The following FSAF1 variants were observed in gnomAD, a reference collection of about 807,000 sequenced individuals.
FSAF1 encodes the protein 40S small subunit processome assembly factor 1.
the FSAF1 span, among the ~76,000 whole-genome samples, chr1:231,239,840 A>AGG: frequency 7.9e-5 from 12 of 152,312 alleles, no homozygotes; most frequent in East Asian, 5.8e-4. Context: ...GAGCCAACTA[A>AGG]ACTTTGGCAT....
chr1:231,237,006 T>C, the FSAF1 span: 1 of 152,108 alleles, frequency 6.6e-6, no homozygotes, highest in South Asian at 2.1e-4. Flanking sequence ...CTTTTTTTTT[T>C]TTTTTGGAGA....
chr1:231,240,071 C>A, the FSAF1 span, among the ~76,000 whole-genome samples: 95 of 152,306 alleles, frequency 6.2e-4, no homozygotes, highest in African/African-American at 2.2e-3. This position sits in a 1 kb window ranked among gnomAD's most constrained non-coding sequence, Gnocchi z 4.1. Flanking sequence ...AGAATCAGAA[C>A]CCAGGCTCTG....
At chr1:231,227,182 G>C in the FSAF1 span, 5 of 1,066,456 alleles carry the variant, frequency 4.7e-6, no homozygotes, top group African/African-American at 1.6e-5. Flanking sequence ...ACAGCGTACA[G>C]GAATAATAAC....
chr1:231,239,155 ATCT>A, the FSAF1 span: 3 of 1,593,240 alleles, frequency 1.9e-6, no homozygotes, highest in South Asian at 1.1e-5. Context: ...TTTCTTTATG[ATCT>A]TCTTCTGTTC....
chr1:231,224,523 T>C, the FSAF1 span: 2 of 1,108,880 alleles, frequency 1.8e-6, no homozygotes, highest in Non-Finnish European at 2.5e-6. Context: ...CCTGGTCGCC[T>C]GCCATGCACA....
the FSAF1 span, among the ~76,000 whole-genome samples, chr1:231,239,353 A>C: frequency 6.6e-6 from 1 of 152,264 alleles, no homozygotes; most frequent in East Asian, 1.9e-4. Context: ...TATTTGCAAA[A>C]TGCAGAGAAT....
the FSAF1 span, among the ~76,000 whole-genome samples, chr1:231,236,284 T>C: frequency 2.0e-5 from 3 of 152,304 alleles, no homozygotes; most frequent in South Asian, 6.2e-4. Flanking sequence ...GTCAACATTC[T>C]GAGGTCATTT....
At chr1:231,225,313 G>C in the FSAF1 span, 2 of 654,528 alleles carry the variant, frequency 3.1e-6, no homozygotes, top group South Asian at 2.1e-5. Flanking sequence ...GTTTGATCTT[G>C]GGCAGTTTAC....
At chr1:231,226,912 T>C in the FSAF1 span, 1 of 1,606,092 alleles carries the variant, frequency 6.2e-7, no homozygotes, top group Admixed American at 1.7e-5. Flanking sequence ...GCTCTTAGCT[T>C]TCCTTGCTCT....
chr1:231,236,029 G>A, the FSAF1 span, among the ~76,000 whole-genome samples: 3 of 152,106 alleles, frequency 2.0e-5, no homozygotes, highest in African/African-American at 7.2e-5. Flanking sequence ...TGCTATGATT[G>A]GTCATGGAGA....
chr1:231,224,171 C>G, the FSAF1 span: 1 of 1,249,616 alleles, frequency 8.0e-7, no homozygotes, highest in South Asian at 1.8e-5. Context: ...AATGAAAAAG[C>G]AGTCTGTGAA....
At chr1:231,226,620 G>T in the FSAF1 span, 1 of 895,192 alleles carries the variant, frequency 1.1e-6, no homozygotes, top group Non-Finnish European at 1.8e-6. Flanking sequence ...GGGGAGCATG[G>T]GATCCTTTAA....
the FSAF1 span, chr1:231,224,295 G>T: frequency 6.2e-7 from 1 of 1,610,842 alleles, no homozygotes; most frequent in Non-Finnish European, 8.5e-7. Context: ...GGCCACTCTG[G>T]AAGAATTTAT....
the FSAF1 span, chr1:231,237,684 C>G: frequency 2.0e-5 from 3 of 152,236 alleles, no homozygotes; most frequent in Non-Finnish European, 4.4e-5. Context: ...GACTTCTGGA[C>G]TACGGAACTG....
chr1:231,239,044 G>T, the FSAF1 span: 1 of 1,614,050 alleles, frequency 6.2e-7, no homozygotes, highest in Non-Finnish European at 8.5e-7. Flanking sequence ...GAAGAAGCTC[G>T]AAGCGCTCTT....
chr1:231,238,761 T>C, the FSAF1 span: 3 of 1,218,692 alleles, frequency 2.5e-6, no homozygotes, highest in South Asian at 1.5e-5. Flanking sequence ...GGCCTGAGGA[T>C]AGTCAGGCAT....
chr1:231,227,286 C>T, the FSAF1 span, among the ~76,000 whole-genome samples: 1 of 152,058 alleles, frequency 6.6e-6, no homozygotes, highest in Non-Finnish European at 1.5e-5. Flanking sequence ...TCCTTTGAGA[C>T]AGGGTCTTGC....
the FSAF1 span, chr1:231,224,290 C>T: frequency 6.2e-7 from 1 of 1,610,194 alleles, no homozygotes; most frequent in Non-Finnish European, 8.5e-7. Context: ...CATTTGGCCA[C>T]TCTGGAAGAA....
chr1:231,229,310 T>C, the FSAF1 span: 2 of 735,500 alleles, frequency 2.7e-6, no homozygotes, highest in East Asian at 2.7e-5. Flanking sequence ...AAGTGACCCT[T>C]TCACACCCAC....
Sources: allele counts gnomAD v4.1 joint callset (sites outside exome capture counted in the v4.1 genomes callset), GRCh38; gene constraint gnomAD v4.1.1; non-coding constraint Gnocchi (gnomAD v3.1); transcripts MANE v1.5; gene names NCBI Gene and HGNC (gene_info 2026-07-23, HGNC 2026-07-21).